Variants in PKHD1L1 observed in about 807,000 individuals in gnomAD.
The protein encoded by PKHD1L1 is fibrocystin-L.
PKHD1L1 carries 434 observed loss-of-function variants against 462.9 expected under a neutral mutation model. The ratio of observed to expected loss-of-function variants is 0.94; its 90% confidence interval spans 0.87 to 1.02. The LOEUF (loss-of-function observed/expected upper bound fraction) is 1.02, where lower values mean the gene tolerates loss of function less well. PKHD1L1 is among the 50% of genes least tolerant of loss of function. The probability of loss-of-function intolerance (pLI) is 0.00; values close to 1 mark genes in which losing one functional copy is unlikely to be tolerated. For missense variants in PKHD1L1, 5,202 were observed against 5,096.1 expected, an observed-to-expected ratio of 1.02 and a Z score of -0.63; for synonymous variants, 1,781 against 1,750.0, an observed-to-expected ratio of 1.02 and a Z score of -0.44.
chr8:109,485,756 T>A (rs2130901780), intron 58 of PKHD1L1, among the ~76,000 whole-genome samples: 1 of 151,984 alleles, frequency 6.6e-6, no homozygotes, highest in East Asian at 1.9e-4. Context: ...CCCATGATGC[T>A]CATGGGAACT....
Position 109,426,990 on chromosome 8 carries a change from C to T in PKHD1L1, c.2846-12C>T, listed in dbSNP as rs370164173. On this transcript the variant is annotated splice_polypyrimidine_tract_variant and intron_variant, in intron 24 of 77. Coordinates refer to ENST00000378402, the MANE Select transcript of PKHD1L1 (RefSeq NM_177531.6). The stretch of plus-strand genomic sequence containing the variant: ...GTGACTCCTGCTGTTTGCCACCCCT[C>T]TGTGAGTGCAGGCCTCCCCGCTGCT... 2.7e-4 allele frequency: 383 copies of T among 1,399,586 alleles called. 2 individuals are homozygous for T. Among genetic ancestry groups the T allele is most frequent in the Middle Eastern group, 2.1e-3 (11 of 5,166 alleles). The allele number at this position is 1,399,586 out of a possible 1,614,324, so 86.7% of individuals were successfully genotyped here.
intron 47 of PKHD1L1, among the ~76,000 whole-genome samples, chr8:109,461,565 T>C (rs1476850079): frequency 6.6e-6 from 1 of 152,178 alleles, no homozygotes; most frequent in African/African-American, 2.4e-5. Context: ...ACTGTATAAG[T>C]ACTTTAGGGA....
chr8:109,428,861 A>G (rs1814922755), intron 25 of PKHD1L1, among the ~76,000 whole-genome samples: 2 of 152,214 alleles, frequency 1.3e-5, no homozygotes, highest in South Asian at 2.1e-4. Context: ...TATTTTTACC[A>G]TTGGAAGAAC....
chr8:109,495,511 T>C (rs1673425), intron 63 of PKHD1L1, among the ~76,000 whole-genome samples: 59,425 of 151,816 alleles, frequency 0.39, 11,838 homozygotes, highest in South Asian at 0.57. Flanking sequence ...TAATGGTACA[T>C]CAATTTATTC....
intron 47 of PKHD1L1, among the ~76,000 whole-genome samples, chr8:109,460,449 A>G (rs1817058161): frequency 6.6e-6 from 1 of 152,156 alleles, no homozygotes; most frequent in Non-Finnish European, 1.5e-5. Flanking sequence ...CTATAGATAT[A>G]TAGATCTGAG....
At chr8:109,408,514 C>T (rs1188612055) in intron 18 of PKHD1L1, among the ~76,000 whole-genome samples, 2 of 152,156 alleles carry the variant, frequency 1.3e-5, no homozygotes, top group Non-Finnish European at 1.5e-5. Flanking sequence ...CTTCACTCAA[C>T]ATCCAATTTG....
chr8:109,497,117 T>C, intron 64 of PKHD1L1, 33 bp from the exon 65 acceptor site: 1 of 1,613,110 alleles, frequency 6.2e-7, no homozygotes. Flanking sequence ...ATGATTGTCC[T>C]TAGTATTATG....
At position 109,398,567 on chromosome 8, in the gene PKHD1L1, C is replaced by T. The variant is rs1286259264; in HGVS notation, c.1012+19C>T. The T allele has an allele frequency of 4.0e-6, 5 of 1,261,802 alleles. No individual in the cohort carries two copies. Among genetic ancestry groups the T allele is most frequent in the Non-Finnish European group, 5.6e-6 (5 of 896,682 alleles). 78.2% of individuals were successfully genotyped at this position (1,261,802 alleles called of 1,614,324 possible). On this transcript the variant is annotated intron_variant, in intron 12 of 77. Transcript: ENST00000378402. ...TATCCAGGTAAGTTACCATAAGGGA[C>T]AATGGCCATTTCTATATTCACATAA...
intron 47 of PKHD1L1, among the ~76,000 whole-genome samples, chr8:109,460,740 A>G (rs765906822): frequency 1.2e-4 from 18 of 152,204 alleles, no homozygotes; most frequent in Non-Finnish European, 2.4e-4. Flanking sequence ...AATGTCAGTG[A>G]TTTAAAATAT....
Position 109,423,681 on chromosome 8 carries a change from A to G in PKHD1L1, c.2698-1404A>G, listed in dbSNP as rs192475290. ...AAAAAACCTTGCTGGTATTTTGACA[A>G]TAATTACATTAAATCTATAGACTGT... On this transcript the variant is annotated intron_variant, in intron 23 of 77. Transcript: ENST00000378402. Among the ~76,000 whole-genome samples, 3 of 152,364 alleles carry G rather than the reference A, an allele frequency of 2.0e-5. No homozygotes were observed. The East Asian group carries it at 5.8e-4, about 29-fold the overall frequency.
At chr8:109,487,890 G>GGAAGGAAGGAAGGT (rs1554589552) in intron 59 of PKHD1L1, among the ~76,000 whole-genome samples, 1 of 69,296 alleles carries the variant, frequency 1.4e-5, no homozygotes, top group African/African-American at 5.9e-5. Context: ...GAGAGAGAGA[G>GGAAGGAAGGAAGGT]AGGAAGGAAG....
At chr8:109,419,461 T>A (rs910634545) in intron 22 of PKHD1L1, among the ~76,000 whole-genome samples, 22 of 152,198 alleles carry the variant, frequency 1.4e-4, no homozygotes, top group African/African-American at 5.3e-4. Context: ...GAATCCTTAA[T>A]GAAAACTTTC....
Position 109,427,073 on chromosome 8 carries a change from TCA to T in PKHD1L1, c.2918_2919del (p.Ser973CysfsTer29). The stretch of plus-strand genomic sequence containing the variant: ...GAGTCTGGAGGGAATGGGAAGAATC[TCA>T]GTTACACGAGAGGGAACCTGTGCTG... ...LQSLEGMGRI[S>X]VTREGTCAGY... is the part of the protein sequence containing the mutation. On this transcript the variant is annotated frameshift_variant, in exon 25 of 78. Coordinates refer to ENST00000378402, the MANE Select transcript of PKHD1L1 (RefSeq NM_177531.6). LOFTEE classifies it high-confidence loss of function. The T allele has an allele frequency of 5.0e-6, 8 of 1,613,916 alleles. No individual in the cohort carries two copies. In the South Asian group the frequency reaches 8.8e-5, roughly 18 times the overall value.
At position 109,429,371 on chromosome 8, in the gene PKHD1L1, C is replaced by T; in HGVS notation, c.3032C>T (p.Ala1011Val). ...GATTCCAACATTATTGGAGAAAAGGCTAATATGACAGTTACAAGGATAAAG... is the reference window on the plus strand; with the variant it reads ...GATTCCAACATTATTGGAGAAAAGGTTAATATGACAGTTACAAGGATAAAG... The part of the protein sequence containing the change: ...INDSNIIGEK[A>V]NMTVTRIKEG... Residue 1011 changes from alanine to valine, a missense_variant, in exon 26 of 78, where the codon GCT becomes GTT. Ala to Val is a moderately conservative substitution (Grantham distance 64). Coordinates refer to ENST00000378402, the MANE Select transcript of PKHD1L1 (RefSeq NM_177531.6). 1.3e-6 allele frequency: 2 copies of T among 1,549,448 alleles called. No homozygotes were observed. The highest frequency in any genetic ancestry group is 1.8e-6 in the Non-Finnish European group (2 of 1,131,776).
chr8:109,523,222 T>A lies in PKHD1L1; in HGVS notation c.12331-11T>A, dbSNP rs1820644827. On this transcript the variant is annotated splice_polypyrimidine_tract_variant and intron_variant, in intron 75 of 77. Coordinates refer to ENST00000378402, the MANE Select transcript of PKHD1L1 (RefSeq NM_177531.6). ...AATTGTTATAATTATCTACTTTTTTTTTTTTTTTAGGGTAACTGTGTATCA... is the reference window on the plus strand; with the variant it reads ...AATTGTTATAATTATCTACTTTTTTATTTTTTTTAGGGTAACTGTGTATCA... The A allele has an allele frequency of 1.3e-6, 2 of 1,573,066 alleles. No homozygotes were observed. Among genetic ancestry groups the A allele is most frequent in the East Asian group, 2.2e-5 (1 of 44,626 alleles).
chr8:109,472,335 C>T (rs2035189023), intron 50 of PKHD1L1, among the ~76,000 whole-genome samples: 1 of 152,140 alleles, frequency 6.6e-6, no homozygotes, highest in Non-Finnish European at 1.5e-5. Flanking sequence ...AATCTCTAAG[C>T]TTTCTTTTTG....
chr8:109,522,698 T>C (rs772697421), intron 74 of PKHD1L1, 46 bp from the exon 75 acceptor site: 1 of 1,541,142 alleles, frequency 6.5e-7, no homozygotes, highest in African/African-American at 1.4e-5. Context: ...TGCTGCTGAG[T>C]GTAGTTTATC....
At chr8:109,394,610 A>G in intron 10 of PKHD1L1, 125 bp downstream of exon 10, 1 of 545,556 alleles carries the variant, frequency 1.8e-6, no homozygotes, top group Non-Finnish European at 2.9e-6. Flanking sequence ...TAGGAAAGGA[A>G]AAATCCCTAA....
At position 109,530,917 on chromosome 8, in the gene PKHD1L1, G is replaced by A. The variant is rs1821026634; in HGVS notation, c.*827G>A. ...TATAAAGTGTGGGAAGTCAACAACA[G>A]AACAGAACTTATTTTCAAGAAGATA... On this transcript the variant is annotated 3_prime_UTR_variant, in exon 78 of 78. Transcript: ENST00000378402. 6.6e-6 allele frequency among the ~76,000 whole-genome samples: 1 copy of A among 152,038 alleles called. No homozygotes were observed. The highest frequency in any genetic ancestry group is 2.4e-5 in the African/African-American group (1 of 41,392).
Sources: allele counts gnomAD v4.1 joint callset (sites outside exome capture counted in the v4.1 genomes callset), GRCh38; gene constraint gnomAD v4.1.1; transcripts MANE v1.5; gene names NCBI Gene and HGNC (gene_info 2026-07-23, HGNC 2026-07-21).